The following PECAM1 variants were observed in gnomAD, a reference collection of about 807,000 sequenced individuals.
The protein encoded by PECAM1 is platelet and endothelial cell adhesion molecule 1.
Under a neutral mutation model 13.8 loss-of-function variants are expected in PECAM1, and 8 were observed. The observed-to-expected ratio is 0.58, with a 90% CI of 0.34 to 1.05. The LOEUF (loss-of-function observed/expected upper bound fraction) is 1.05. PECAM1 is among the 50% of genes least tolerant of loss of function. The pLI is 0.03. For synonymous variants in PECAM1, 136 were observed against 52.6 expected (o/e 2.58, Z -6.86); for missense variants, 304 against 141.2 (o/e 2.15, Z -5.84).
At chr17:64,362,396 T>A (rs1222014340) in intron 6 of PECAM1, among the ~76,000 whole-genome samples, 2 of 152,176 alleles carry the variant, frequency 1.3e-5, no homozygotes, top group African/African-American at 4.8e-5. Context: ...AGGCCTGTAA[T>A]CCCAGGACTT....
chr17:64,372,089 A>G (rs1224604745), intron 4 of PECAM1, among the ~76,000 whole-genome samples: 1 of 152,114 alleles, frequency 6.6e-6, no homozygotes, highest in East Asian at 1.9e-4. Context: ...CCTCAACTAG[A>G]TTGTCAAAAA....
chr17:64,334,743 A>G lies in PECAM1; in HGVS notation c.2165-5021T>C, dbSNP rs944381720. On this transcript the variant is annotated intron_variant, in intron 14 of 15. Transcript: ENST00000563924. ...AGGATGGTCTCGATCTCCTGACCTC[A>G]TGATCCGCCCGCCTTAGCCTCCCAA... is the stretch of plus-strand genomic sequence containing the variant. 4.0e-3 allele frequency among the ~76,000 whole-genome samples: 605 copies of G among 152,086 alleles called. 5 individuals are homozygous for G. The highest frequency in any genetic ancestry group is 0.013 in the African/African-American group (524 of 41,494).
intron 7 of PECAM1, among the ~76,000 whole-genome samples, chr17:64,356,944 T>C (rs199829192): frequency 0.026 from 4,013 of 152,258 alleles, 179 homozygotes; most frequent in African/African-American, 0.092. Context: ...CTGCACTCTC[T>C]CTCAAGTTTT....
At chr17:64,362,359 G>C (rs1434147665) in intron 6 of PECAM1, among the ~76,000 whole-genome samples, 3 of 152,292 alleles carry the variant, frequency 2.0e-5, no homozygotes, top group Non-Finnish European at 4.4e-5. Context: ...ATGGAATTTT[G>C]ATATTCTTGG....
At chr17:64,341,915 T>G (rs1308768692) in intron 13 of PECAM1, among the ~76,000 whole-genome samples, 1 of 151,624 alleles carries the variant, frequency 6.6e-6, no homozygotes, top group Non-Finnish European at 1.5e-5. Flanking sequence ...TTTGGGAGGG[T>G]GAGGGGGGCA....
At position 64,333,788 on chromosome 17, in the gene PECAM1, T is replaced by C. The variant is rs1046563461; in HGVS notation, c.2165-4066A>G. On this transcript the variant is annotated intron_variant, in intron 14 of 15. Coordinates refer to ENST00000563924, the MANE Select transcript of PECAM1 (RefSeq NM_000442.5). ...GCCTGGCCAATGTGACGAAACCCCA[T>C]CTCTACTAAAATATAAAAATATTTT... is the stretch of plus-strand genomic sequence containing the variant. Among the ~76,000 whole-genome samples the C allele has an allele frequency of 9.6e-3, 1,450 of 151,396 alleles. 27 individuals are homozygous for C. The highest frequency in any genetic ancestry group is 0.034 in the African/African-American group (1,389 of 41,258).
intron 7 of PECAM1, 119 bp downstream of exon 7, chr17:64,360,021 G>A (rs1398471043): frequency 4.2e-6 from 2 of 473,130 alleles, no homozygotes; most frequent in African/African-American, 4.0e-5. Context: ...TAAAGTGCTG[G>A]GATTACAGGC....
At chr17:64,380,439 C>T (rs1239981864) in intron 2 of PECAM1, among the ~76,000 whole-genome samples, 9 of 152,074 alleles carry the variant, frequency 5.9e-5, no homozygotes, top group African/African-American at 2.2e-4. Context: ...TTCCCAAATC[C>T]CTACACGTCC....
chr17:64,371,605 G>A (rs2036238760), intron 4 of PECAM1, among the ~76,000 whole-genome samples: 1 of 152,228 alleles, frequency 6.6e-6, no homozygotes, highest in African/African-American at 2.4e-5. Flanking sequence ...GCCAAGGTGG[G>A]TGGATCACGA....
intron 14 of PECAM1, among the ~76,000 whole-genome samples, chr17:64,334,453 A>G (rs1461457972): frequency 6.6e-6 from 1 of 152,150 alleles, no homozygotes; most frequent in Non-Finnish European, 1.5e-5. Flanking sequence ...AGGTCAGCAA[A>G]GACTCCGCTC....
intron 15 of PECAM1, among the ~76,000 whole-genome samples, chr17:64,325,767 A>G (rs2034938813): frequency 6.6e-6 from 1 of 152,098 alleles, no homozygotes; most frequent in South Asian, 2.1e-4. Context: ...AAAAAAGCAA[A>G]AAAACACCCA....
chr17:64,363,596 G>A (rs2036035496), intron 5 of PECAM1, among the ~76,000 whole-genome samples, 199 bp from the exon 6 acceptor site: 1 of 152,126 alleles, frequency 6.6e-6, no homozygotes, highest in Non-Finnish European at 1.5e-5. Context: ...GGATTCCAAT[G>A]GCAGGTTTTC....
Position 64,321,493 on chromosome 17 carries a change from C to T in PECAM1, c.*2323G>A. 1 of 992,302 alleles carries T rather than the reference C, an allele frequency of 1.0e-6. No individual in the cohort carries two copies. Among genetic ancestry groups the T allele is most frequent in the Non-Finnish European group, 1.2e-6 (1 of 829,696 alleles). The allele number at this position is 992,302 out of a possible 1,614,324, so 61.5% of individuals were successfully genotyped here. A position where few individuals can be genotyped will look rare whatever the true frequency, so the allele number is the denominator to read the frequency against. On this transcript the variant is annotated 3_prime_UTR_variant, in exon 16 of 16. Transcript: ENST00000563924. ...GCTCCACAGGCCGGGGGCGGTGGCT[C>T]ATGCCTGCAATCCCAGCACTTTGCG...
intron 2 of PECAM1, among the ~76,000 whole-genome samples, chr17:64,382,253 T>C (rs2143896603): frequency 6.6e-6 from 1 of 152,312 alleles, no homozygotes; most frequent in East Asian, 1.9e-4. Flanking sequence ...AGCTATGCTG[T>C]GTATTCCAGT....
intron 14 of PECAM1, among the ~76,000 whole-genome samples, chr17:64,337,911 CCT>C (rs2035324229): frequency 6.8e-6 from 1 of 147,174 alleles, no homozygotes; most frequent in Admixed American, 6.7e-5. Flanking sequence ...ACTACTTCTT[CCT>C]TTTTTTTTTT....
chr17:64,341,338 G>A (rs1230488497), intron 14 of PECAM1, among the ~76,000 whole-genome samples: 7 of 152,070 alleles, frequency 4.6e-5, no homozygotes, highest in East Asian at 3.9e-4. Flanking sequence ...CAAAACACTC[G>A]ACGTCCAAGA....
intron 13 of PECAM1, among the ~76,000 whole-genome samples, chr17:64,342,341 C>T (rs1156447926): frequency 3.3e-5 from 5 of 152,130 alleles, no homozygotes; most frequent in Non-Finnish European, 7.3e-5. Context: ...CACTCCTCTT[C>T]CCCTGCCACC....
At chr17:64,347,477 C>T (rs2035598514) in intron 13 of PECAM1, among the ~76,000 whole-genome samples, 1 of 148,012 alleles carries the variant, frequency 6.8e-6, no homozygotes, top group Non-Finnish European at 1.5e-5. Context: ...TTGCAGTGAG[C>T]TGAGATCTCG....
At chr17:64,389,499 G>A (rs1199387391) in intron 2 of PECAM1, among the ~76,000 whole-genome samples, 2 of 152,146 alleles carry the variant, frequency 1.3e-5, no homozygotes, top group Admixed American at 6.5e-5. Context: ...AGCCTCACAG[G>A]TGAATGGAAA....
Sources: allele counts gnomAD v4.1 joint callset (sites outside exome capture counted in the v4.1 genomes callset), GRCh38; gene constraint gnomAD v4.1.1; transcripts MANE v1.5; gene names NCBI Gene and HGNC (gene_info 2026-07-23, HGNC 2026-07-21).